The following ZNF816 variants were observed in gnomAD, a reference collection of about 807,000 sequenced individuals.
ZNF816 encodes the protein zinc finger protein 816, also known as zinc finger protein 816A.
ZNF816 carries 11 observed loss-of-function variants against 8.3 expected under a neutral mutation model. The ratio of observed to expected loss-of-function variants is 1.32; its 90% confidence interval spans 0.83 to 2.19. The LOEUF (loss-of-function observed/expected upper bound fraction) is 2.19, where lower values mean the gene tolerates loss of function less well. ZNF816 is among the 30% of genes most tolerant of loss of function. ZNF816 has a pLI of 0.00. For synonymous variants in ZNF816, 255 were observed against 254.5 expected (o/e 1.00, Z -0.02); for missense variants, 710 against 779.3 (o/e 0.91, Z 1.06).
At chr19:52,956,704 C>T (rs1302156650) in intron 1 of ZNF816, among the ~76,000 whole-genome samples, 1 of 152,156 alleles carries the variant, frequency 6.6e-6, no homozygotes, top group Non-Finnish European at 1.5e-5. Flanking sequence ...GCTGTGGTCC[C>T]AGCTACTCTG....
In ZNF816 at chr19:52,950,529, T is replaced by G. The variant is rs1249000202; in HGVS notation, c.1246A>C (p.Arg416=). Residue 416 remains arginine (R), a synonymous_variant, in exon 4 of 4, where the codon AGG becomes CGG. Transcript: ENST00000444460. ...YIRRSHLERH[R]KIHTGEGSYK... is the part of the protein sequence containing the mutation. ...GATCCCTCTCCAGTATGAATCTTCCTATGTCTTTCAAGGTGTGATCTGCGA... is the reference window on the plus strand; with the variant it reads ...GATCCCTCTCCAGTATGAATCTTCCGATGTCTTTCAAGGTGTGATCTGCGA... The G allele has an allele frequency of 1.9e-6, 3 of 1,613,464 alleles. No homozygotes were observed. Among genetic ancestry groups the G allele is most frequent in the Middle Eastern group, 1.7e-4 (1 of 6,054 alleles).
intron 2 of ZNF816, 141 bp downstream of exon 2, chr19:52,955,886 G>C (rs757591785): frequency 2.8e-6 from 3 of 1,083,788 alleles, no homozygotes; most frequent in East Asian, 4.8e-5. Flanking sequence ...GTGAAGATGA[G>C]AGGGACTGAG....
rs190874766 is a variant in ZNF816, at chr19:52,959,731, T to C, written c.-16+2996A>G. Among the ~76,000 whole-genome samples, 6 of 152,262 alleles carry C rather than the reference T, an allele frequency of 3.9e-5. No individual in the cohort carries two copies. The East Asian group carries it at 9.7e-4, about 25-fold the overall frequency. ...ACTCTGGAGAAAAAGACATAAAATATCAGCAAGAAATCTTGCAATTATTAG... is the reference window on the plus strand; with the variant it reads ...ACTCTGGAGAAAAAGACATAAAATACCAGCAAGAAATCTTGCAATTATTAG... On this transcript the variant is annotated intron_variant, in intron 1 of 3. Coordinates refer to ENST00000444460, the MANE Select transcript of ZNF816 (RefSeq NM_001202457.3).
chr19:52,952,171 C>T (rs1292138106), intron 3 of ZNF816, among the ~76,000 whole-genome samples: 1 of 152,034 alleles, frequency 6.6e-6, no homozygotes, highest in Non-Finnish European at 1.5e-5. Flanking sequence ...GAGTTCAAGA[C>T]CAACTTGGCC....
In ZNF816 at chr19:52,951,259, A is replaced by C. The variant is rs1202591066; in HGVS notation, c.516T>G (p.Thr172=). 6.2e-7 allele frequency: 1 copy of C among 1,614,144 alleles called. No individual in the cohort carries two copies. Residue 172 remains threonine (T), a synonymous_variant, in exon 4 of 4, where the codon ACT becomes ACG. Transcript: ENST00000444460. ...CCAATTGGTTACTAATTTTCCCTTT[A>C]GTCTGAAACATGTGGAGTTCAGGCA... is the stretch of plus-strand genomic sequence containing the variant. The part of the protein sequence containing the change: ...SHLPELHMFQ[T]KGKISNQLDK...
At chr19:52,952,983 G>T (rs1411076481) in intron 2 of ZNF816, 106 bp from the exon 3 acceptor site, 13 of 1,466,410 alleles carry the variant, frequency 8.9e-6, no homozygotes, top group Non-Finnish European at 1.2e-5. Context: ...CCAAGACTGT[G>T]TTCTGACAAA....
intron 1 of ZNF816, among the ~76,000 whole-genome samples, chr19:52,961,255 C>T (rs527696321): frequency 1.3e-5 from 2 of 152,032 alleles, no homozygotes; most frequent in South Asian, 4.1e-4. Context: ...CTAGGTGACA[C>T]AAGTAAAATA....
rs138628959 is a variant in ZNF816 at position 52,954,910 on chromosome 19, A to G, written c.63+1117T>C. On this transcript the variant is annotated intron_variant, in intron 2 of 3. Transcript: ENST00000444460. ...TTCTAAAGGATTGCGCCGACTTGCC[A>G]CAGAACTCTCAACAGCGATTCCCCA... 9.5e-3 allele frequency among the ~76,000 whole-genome samples: 1,443 copies of G among 151,848 alleles called. 14 individuals are homozygous for G. Among genetic ancestry groups the G allele is most frequent in the Middle Eastern group, 0.017 (5 of 290 alleles).
chr19:52,956,205 G>T, intron 1 of ZNF816, 101 bp from the exon 2 acceptor site: 1 of 1,322,226 alleles, frequency 7.6e-7, no homozygotes, highest in Non-Finnish European at 1.0e-6. Context: ...AGAGAAAGAT[G>T]GTCCTTTGCT....
Position 52,949,592 on chromosome 19 carries a change from C to T in ZNF816, c.*227G>A, listed in dbSNP as rs116196611. On this transcript the variant is annotated 3_prime_UTR_variant, in exon 4 of 4. Coordinates refer to ENST00000444460, the MANE Select transcript of ZNF816 (RefSeq NM_001202457.3). ...ATCATCACACTTGTGAGGTTTCTCT[C>T]CTGTATGAATTCTATGTTTTGCATA... 1.7e-3 allele frequency: 1,344 copies of T among 772,434 alleles called. 13 individuals are homozygous for T. In the African/African-American group the frequency reaches 0.02, roughly 12 times the overall value. The allele number at this position is 772,434 out of a possible 1,614,324, so 47.8% of individuals were successfully genotyped here.
rs1808106 is a variant in ZNF816, at chr19:52,949,691, T to G, written c.*128A>C. The G allele has an allele frequency of 0.36, 501,350 of 1,403,740 alleles. 93,816 individuals carry two copies. Among genetic ancestry groups the G allele is most frequent in the African/African-American group, 0.64 (45,105 of 70,426 alleles). 87.0% of individuals were successfully genotyped at this position (1,403,740 alleles called of 1,614,324 possible). On this transcript the variant is annotated 3_prime_UTR_variant, in exon 4 of 4. Transcript: ENST00000444460. Reference sequence around the variant, plus strand: ...TTTCTCTCCAGTATGAGTTCACTGATGAACTACAAGTTATGAATGACGTCT... The same window carrying G: ...TTTCTCTCCAGTATGAGTTCACTGAGGAACTACAAGTTATGAATGACGTCT...
chr19:52,962,486 C>T (rs898949175), intron 1 of ZNF816, among the ~76,000 whole-genome samples: 1 of 152,154 alleles, frequency 6.6e-6, no homozygotes, highest in Non-Finnish European at 1.5e-5. Flanking sequence ...TGCGGGGCTG[C>T]AACGCTGCGC....
Position 52,950,491 on chromosome 19 carries a change from C to G in ZNF816, c.1284G>C (p.Lys428Asn). The change falls in exon 4 of 4, where the codon AAG becomes AAC. Residue 428 changes from lysine (K) to asparagine (N), a missense_variant. Lys to Asn is a moderately conservative substitution (Grantham distance 94, BLOSUM62 0). Transcript: ENST00000444460. ...IHTGEGSYKC[K>N]VCDKVFRSDS... ...CACTCCGGAAAACCTTGTCACAAACCTTACATTTGTATGATCCCTCTCCAG... is the reference window on the plus strand; with the variant it reads ...CACTCCGGAAAACCTTGTCACAAACGTTACATTTGTATGATCCCTCTCCAG... 1 of 1,613,204 alleles carries G rather than the reference C, an allele frequency of 6.2e-7. No individual in the cohort carries two copies. Among genetic ancestry groups the G allele is most frequent in the Non-Finnish European group, 8.5e-7 (1 of 1,179,744 alleles).
At chr19:52,954,040 CAAA>C (rs754620563) in intron 2 of ZNF816, among the ~76,000 whole-genome samples, 4 of 94,682 alleles carry the variant, frequency 4.2e-5, no homozygotes, top group Non-Finnish European at 6.3e-5. Flanking sequence ...GACTCTTTCT[CAAA>C]AAAAAAAAAA....
At position 52,949,810 on chromosome 19, in the gene ZNF816, T is replaced by C. The variant is rs1253434930; in HGVS notation, c.*9A>G. ...GGTTGTAGCATTACTGAAGACTTTG[T>C]GACAATCATTACATTTGTAAAGTTT... On this transcript the variant is annotated 3_prime_UTR_variant, in exon 4 of 4. Transcript: ENST00000444460. 2 of 1,613,568 alleles carry C rather than the reference T, an allele frequency of 1.2e-6. No homozygotes were observed. The highest frequency in any genetic ancestry group is 1.7e-6 in the Non-Finnish European group (2 of 1,179,682).
chr19:52,952,656 T>C (rs1345161887), intron 3 of ZNF816, 95 bp downstream of exon 3: 9 of 1,589,804 alleles, frequency 5.7e-6, no homozygotes, highest in South Asian at 2.2e-5. Context: ...ATCAAAAGCA[T>C]GTATGGGGCA....
intron 1 of ZNF816, chr19:52,959,933 C>T (rs2083542368): frequency 6.5e-6 from 1 of 153,066 alleles, no homozygotes; most frequent in African/African-American, 2.4e-5. Context: ...TGACCTTGTA[C>T]CTACTTATTC....
At chr19:52,956,329 G>A (rs549908954) in intron 1 of ZNF816, 2 of 455,394 alleles carry the variant, frequency 4.4e-6, no homozygotes, top group Non-Finnish European at 3.9e-6. Context: ...CCACACACAC[G>A]CTGCAGCAGG....
In ZNF816 at chr19:52,950,899, C is replaced by T. The variant is rs1367736595; in HGVS notation, c.876G>A (p.Lys292=). Residue 292 remains lysine (K), a synonymous_variant, in exon 4 of 4, where the codon AAG becomes AAA. Transcript: ENST00000444460. Reference sequence around the variant, plus strand: ...CAAGGGATGACATCTGAGTGAAGGTCTTCCCACACTCATTACACTTGTAAG... The same window carrying T: ...CAAGGGATGACATCTGAGTGAAGGTTTTCCCACACTCATTACACTTGTAAG... The part of the protein sequence containing the change: ...EKTYKCNECG[K]TFTQMSSLVC... 6.2e-7 allele frequency: 1 copy of T among 1,614,152 alleles called. No individual in the cohort carries two copies. The highest frequency in any genetic ancestry group is 8.5e-7 in the Non-Finnish European group (1 of 1,180,006).
Sources: gnomAD v4.1 joint callset for allele counts (sites outside exome capture counted in the v4.1 genomes callset) on GRCh38, gnomAD v4.1.1 for gene constraint, MANE v1.5 for transcripts, NCBI Gene and HGNC (gene_info 2026-07-23, HGNC 2026-07-21) for gene names.